ABLIM1: variants seen among roughly 807,000 people sequenced by gnomAD.
ABLIM1 encodes actin-binding LIM protein 1.
In ABLIM1, 40 loss-of-function variants were observed where a neutral mutation model predicts 107.0. The ratio of observed to expected loss-of-function variants is 0.37; its 90% CI spans 0.29 to 0.49. The LOEUF is 0.49. ABLIM1 is among the 20% of genes least tolerant of loss of function. The pLI is 0.97. For missense variants in ABLIM1, 857 were observed against 1,008.5 expected (o/e 0.85, Z 2.04); for synonymous variants, 357 against 357.3 (o/e 1.00, Z 0.01).
At chr10:114,684,218 T>C in intron 1 of ABLIM1, 1 of 1,478,838 alleles carries the variant, frequency 6.8e-7, no homozygotes, top group Non-Finnish European at 9.2e-7. Flanking sequence ...GCCCTGCATC[T>C]TTCCTCATCT....
intron 1 of ABLIM1, among the ~76,000 whole-genome samples, chr10:114,741,533 C>G (rs974038575): frequency 2.6e-5 from 4 of 151,978 alleles, no homozygotes; most frequent in Non-Finnish European, 5.9e-5. Flanking sequence ...CCAGCCTATT[C>G]TTAATATGAA....
chr10:114,769,467 GAAAGAAAGAAAGAGAA>G (rs1331044772), upstream of ABLIM1, among the ~76,000 whole-genome samples: 5 of 84,610 alleles, frequency 5.9e-5, no homozygotes, highest in East Asian at 2.2e-4. Flanking sequence ...AAGAAAGAAA[GAAAGAAAGAAAGAGAA>G]AGAAAGAAAG....
chr10:114,447,982 T>C lies in ABLIM1; in HGVS notation c.1633A>G (p.Ile545Val). The change falls in exon 15 of 23, where the codon ATC becomes GTC. Residue 545 changes from isoleucine to valine, a missense_variant. Around this residue, in one of 5 missense-constraint regions of ABLIM1, gnomAD observed 103 missense variants for 101.0 expected, o/e 1.02. Transcript: ENST00000533213. ...GCTGCTGGGAACTTGGAAAACTTGATGATATCTTCTGAGGACTTGCTCTGG... is the reference window on the plus strand; with the variant it reads ...GCTGCTGGGAACTTGGAAAACTTGACGATATCTTCTGAGGACTTGCTCTGG... ...AAQSKSSEDI[I>V]KFSKFPAAQA... The C allele has an allele frequency of 6.2e-7, 1 of 1,614,158 alleles. No individual in the cohort carries two copies. The highest frequency in any genetic ancestry group is 8.5e-7 in the Non-Finnish European group (1 of 1,180,002).
Position 114,447,963 on chromosome 10 carries a change from G to C in ABLIM1, c.1652C>G (p.Pro551Arg). The change falls in exon 15 of 23, where the codon CCA becomes CGA. Residue 551 changes from proline to arginine, a missense_variant. This residue lies in a region of ABLIM1 where 103 missense variants were observed against 101.0 expected (regional missense o/e 1.02). Transcript: ENST00000533213. ...SEDIIKFSKF[P>R]AAQAPDPSET... ...GCTGGGGTCTGGTGCCTGGGCTGCT[G>C]GGAACTTGGAAAACTTGATGATATC... 1 of 1,614,094 alleles carries C rather than the reference G, an allele frequency of 6.2e-7. No individual in the cohort carries two copies.
intron 8 of ABLIM1, among the ~76,000 whole-genome samples, chr10:114,477,160 G>A (rs2056577460): frequency 6.6e-6 from 1 of 152,168 alleles, no homozygotes; most frequent in Non-Finnish European, 1.5e-5. Flanking sequence ...AAATTTTGCT[G>A]TATTGCAGGG....
chr10:114,769,172 GAAAAA>G (rs35691537), upstream of ABLIM1, among the ~76,000 whole-genome samples: 3 of 46,516 alleles, frequency 6.4e-5, no homozygotes, highest in Non-Finnish European at 1.0e-4. Flanking sequence ...TGTCTTCAAT[GAAAAA>G]AAAAAAAAAA....
chr10:114,760,300 G>C (rs1212857551), intron 1 of ABLIM1, among the ~76,000 whole-genome samples: 11 of 151,848 alleles, frequency 7.2e-5, no homozygotes, highest in Admixed American at 7.2e-4. Context: ...GGAGGGAAGA[G>C]AAAAAGCATA....
intron 6 of ABLIM1, among the ~76,000 whole-genome samples, chr10:114,518,809 C>G (rs1434121162): frequency 7.4e-6 from 1 of 136,000 alleles, no homozygotes; most frequent in African/African-American, 2.7e-5. Context: ...TTACGATGAG[C>G]TCACACTACT....
chr10:114,596,906 C>G (rs2075468140), intron 2 of ABLIM1, among the ~76,000 whole-genome samples: 1 of 152,080 alleles, frequency 6.6e-6, no homozygotes, highest in Non-Finnish European at 1.5e-5. Context: ...AAATAGAAGG[C>G]TTTGTTGACA....
chr10:114,461,010 A>T (rs2063775756), intron 12 of ABLIM1, among the ~76,000 whole-genome samples: 2 of 152,234 alleles, frequency 1.3e-5, no homozygotes, highest in South Asian at 4.1e-4. Context: ...ATTTTAATGA[A>T]TCAATAATGC....
chr10:114,643,372 T>C (rs1276796158), intron 1 of ABLIM1, among the ~76,000 whole-genome samples: 1 of 152,184 alleles, frequency 6.6e-6, no homozygotes, highest in Non-Finnish European at 1.5e-5. Flanking sequence ...CATCTAAGCA[T>C]CTCACAGAAG....
chr10:114,611,158 A>C (rs1194555844), intron 1 of ABLIM1, among the ~76,000 whole-genome samples: 1 of 151,782 alleles, frequency 6.6e-6, no homozygotes, highest in Non-Finnish European at 1.5e-5. Flanking sequence ...TCTCAAAAAA[A>C]AAAAAAAAAT....
In ABLIM1 at chr10:114,441,809, A is replaced by G. The variant is rs762139552; in HGVS notation, c.1934-23T>C. ...AAGCTGAGTAAGAAAAAAGTAAAAA[A>G]CCAATTGTTAGGAAATCAGAAGGTC... is the stretch of plus-strand genomic sequence containing the variant. On this transcript the variant is annotated intron_variant, in intron 17 of 22. Coordinates refer to ENST00000533213, the MANE Select transcript of ABLIM1 (RefSeq NM_002313.7). The G allele has an allele frequency of 1.1e-5, 18 of 1,600,368 alleles. No homozygotes were observed. In the East Asian group the frequency reaches 3.1e-4, roughly 28 times the overall value.
Position 114,629,310 on chromosome 10 carries a change from G to A in ABLIM1, c.245-27349C>T, listed in dbSNP as rs1032727225. Reference sequence around the variant, plus strand: ...CCTCCTTGGGCCGGCCATGTTCCTCGGGATGGACATTGCCAGGACCCGAGC... The same window carrying A: ...CCTCCTTGGGCCGGCCATGTTCCTCAGGATGGACATTGCCAGGACCCGAGC... On this transcript the variant is annotated intron_variant, in intron 1 of 22. Transcript: ENST00000533213. The surrounding 1 kb of genome is among the most constrained non-coding windows in gnomAD (Gnocchi z 4.0). Among the ~76,000 whole-genome samples, 15 of 152,132 alleles carry A rather than the reference G, an allele frequency of 9.9e-5. No individual in the cohort carries two copies. The highest frequency in any genetic ancestry group is 2.1e-4 in the Non-Finnish European group (14 of 68,008).
intron 10 of ABLIM1, among the ~76,000 whole-genome samples, chr10:114,472,616 C>T (rs749400778): frequency 2.6e-5 from 4 of 152,150 alleles, no homozygotes; most frequent in Non-Finnish European, 4.4e-5. Context: ...TCTCTCTCCT[C>T]ATGATGCCAT....
At chr10:114,632,697 T>G (rs939370345) in intron 1 of ABLIM1, 2 of 985,262 alleles carry the variant, frequency 2.0e-6, no homozygotes, top group African/African-American at 3.5e-5. Context: ...GGATCAAAGT[T>G]AAAATCTGAT....
intron 12 of ABLIM1, among the ~76,000 whole-genome samples, chr10:114,458,837 T>C (rs1398498691): frequency 6.6e-6 from 1 of 152,172 alleles, no homozygotes; most frequent in Non-Finnish European, 1.5e-5. Flanking sequence ...AGCAGACACT[T>C]TACAAACGAA....
At chr10:114,622,561 CT>C (rs1455938624) in intron 1 of ABLIM1, among the ~76,000 whole-genome samples, 10 of 152,114 alleles carry the variant, frequency 6.6e-5, no homozygotes, top group Admixed American at 6.5e-4. Flanking sequence ...TTTCTTAATT[CT>C]TCTTAAACTT....
intron 6 of ABLIM1, among the ~76,000 whole-genome samples, chr10:114,510,082 CAT>C (rs2061645341): frequency 6.6e-6 from 1 of 152,316 alleles, no homozygotes; most frequent in South Asian, 2.1e-4. Context: ...CCTCCCATGA[CAT>C]GTGGGAATTA....
Sources: allele counts gnomAD v4.1 joint callset (sites outside exome capture counted in the v4.1 genomes callset), GRCh38; gene constraint gnomAD v4.1.1; regional missense constraint gnomAD v4.1.1; non-coding constraint Gnocchi (gnomAD v3.1); transcripts MANE v1.5; gene names NCBI Gene and HGNC (gene_info 2026-07-23, HGNC 2026-07-21).